Variants in ARHGAP24 observed in about 807,000 individuals in gnomAD.
ARHGAP24 encodes rho GTPase-activating protein 24.
ARHGAP24 carries 50 observed loss-of-function variants against 76.4 expected under a neutral mutation model. The observed-to-expected ratio is 0.65, with a 90% CI of 0.52 to 0.83. ARHGAP24 has a LOEUF of 0.83. ARHGAP24 is among the 40% of genes least tolerant of loss of function. ARHGAP24 has a pLI of 0.00. For synonymous variants in ARHGAP24, 345 were observed against 323.3 expected, an observed-to-expected ratio of 1.07 and a Z score of -0.72; for missense variants, 930 against 914.2, an observed-to-expected ratio of 1.02 and a Z score of -0.22.
chr4:85,567,716 A>C (rs535980513), intron 1 of ARHGAP24, among the ~76,000 whole-genome samples: 2 of 152,352 alleles, frequency 1.3e-5, no homozygotes, highest in Admixed American at 6.5e-5. Flanking sequence ...GTGCTAGAAG[A>C]GACCATAGTT....
intron 3 of ARHGAP24, among the ~76,000 whole-genome samples, chr4:85,866,578 A>G (rs1373233226): frequency 1.3e-5 from 2 of 152,018 alleles, no homozygotes; most frequent in African/African-American, 2.4e-5. Context: ...CCATATTTGA[A>G]TGTTGTTTTT....
chr4:85,916,767 C>T (rs1489280149), intron 3 of ARHGAP24, among the ~76,000 whole-genome samples: 3 of 152,102 alleles, frequency 2.0e-5, no homozygotes, highest in African/African-American at 7.2e-5. Flanking sequence ...GAAACTAACT[C>T]AAATGTCTGT....
chr4:85,605,053 A>C (rs1374137420), intron 2 of ARHGAP24, among the ~76,000 whole-genome samples: 1 of 152,188 alleles, frequency 6.6e-6, no homozygotes, highest in Non-Finnish European at 1.5e-5. Flanking sequence ...GAACATTTAC[A>C]TATACACACA....
chr4:85,627,007 G>A (rs550930008), intron 2 of ARHGAP24, among the ~76,000 whole-genome samples: 2 of 152,072 alleles, frequency 1.3e-5, no homozygotes, highest in South Asian at 2.1e-4. Context: ...TAACTTCTTT[G>A]CCATTGGTTC....
At chr4:85,819,343 A>G (rs1231335389) in intron 3 of ARHGAP24, among the ~76,000 whole-genome samples, 1 of 152,192 alleles carries the variant, frequency 6.6e-6, no homozygotes, top group African/African-American at 2.4e-5. Flanking sequence ...TCTGATTGCA[A>G]TCTCATTTGA....
chr4:85,725,575 A>C (rs1725138941), intron 3 of ARHGAP24, among the ~76,000 whole-genome samples: 1 of 152,250 alleles, frequency 6.6e-6, no homozygotes, highest in Admixed American at 6.5e-5. Flanking sequence ...CTGCTGGGGC[A>C]TAGCCCCTTC....
At chr4:85,814,288 T>G (rs1249473221) in intron 3 of ARHGAP24, among the ~76,000 whole-genome samples, 1 of 152,018 alleles carries the variant, frequency 6.6e-6, no homozygotes, top group Non-Finnish European at 1.5e-5. Context: ...TTTCCAAAAG[T>G]CCCCCAAAGT....
rs150604057 is a variant in ARHGAP24 at position 85,482,699 on chromosome 4, T to C, written c.-21+7140T>C. ...TAAGAATGCCATTCCTATGTAAGAATAGATAACAATGATTGAAGCCTTACT... is the reference window on the plus strand; with the variant it reads ...TAAGAATGCCATTCCTATGTAAGAACAGATAACAATGATTGAAGCCTTACT... On this transcript the variant is annotated intron_variant, in intron 1 of 9. Transcript: ENST00000395184. Among the ~76,000 whole-genome samples the C allele has an allele frequency of 2.6e-5, 4 of 152,360 alleles. No individual in the cohort carries two copies. In the South Asian group the frequency reaches 8.3e-4, roughly 32 times the overall value.
chr4:86,000,785 T>C lies in ARHGAP24; in HGVS notation c.*63T>C. ...GGACTCCAGGGATTCTGGTGGGATA[T>C]GACTTAGAACCAGGTGGCTGGTCAC... is the stretch of plus-strand genomic sequence containing the variant. On this transcript the variant is annotated 3_prime_UTR_variant, in exon 10 of 10. Coordinates refer to ENST00000395184, the MANE Select transcript of ARHGAP24 (RefSeq NM_001025616.3). 6.2e-7 allele frequency: 1 copy of C among 1,609,792 alleles called. No homozygotes were observed. The highest frequency in any genetic ancestry group is 8.5e-7 in the Non-Finnish European group (1 of 1,177,622).
intron 3 of ARHGAP24, among the ~76,000 whole-genome samples, chr4:85,814,103 G>A (rs931760890): frequency 4.0e-5 from 6 of 151,796 alleles, no homozygotes; most frequent in African/African-American, 1.5e-4. Flanking sequence ...AACAGCATGG[G>A]GGAAACCGCC....
At chr4:85,712,997 C>G (rs571905119) in intron 2 of ARHGAP24, among the ~76,000 whole-genome samples, 1 of 152,256 alleles carries the variant, frequency 6.6e-6, no homozygotes, top group South Asian at 2.1e-4. Context: ...TTTTTGTTTG[C>G]TTTTAAAATG....
intron 2 of ARHGAP24, among the ~76,000 whole-genome samples, chr4:85,694,544 T>A (rs949479064): frequency 1.5e-4 from 23 of 152,318 alleles, no homozygotes; most frequent in African/African-American, 5.5e-4. Flanking sequence ...ACTAGTAGCA[T>A]TAATTTTTAT....
At position 85,995,450 on chromosome 4, in the gene ARHGAP24, A is replaced by G; in HGVS notation, c.1796A>G (p.Asp599Gly). Residue 599 changes from aspartate to glycine, a missense_variant, in exon 9 of 10, where the codon GAC becomes GGC. Transcript: ENST00000395184. The stretch of plus-strand genomic sequence containing the variant: ...CCTGTTTTGGATGGGCCCCCGCAGG[A>G]CGACCTTTCCCACCCCAGGGACTAT... The part of the protein sequence containing the change: ...EDPVLDGPPQ[D>G]DLSHPRDYES... The G allele has an allele frequency of 6.2e-7, 1 of 1,607,780 alleles. No homozygotes were observed. Among genetic ancestry groups the G allele is most frequent in the South Asian group, 1.1e-5 (1 of 90,560 alleles).
intron 2 of ARHGAP24, among the ~76,000 whole-genome samples, chr4:85,714,579 C>T (rs1010355889): frequency 1.3e-5 from 2 of 151,920 alleles, no homozygotes; most frequent in African/African-American, 4.8e-5. Context: ...TACATGTTTT[C>T]CTTGCTTTTG....
chr4:85,589,410 A>C lies in ARHGAP24; in HGVS notation c.180+18689A>C, dbSNP rs1727994453. Among the ~76,000 whole-genome samples, 5 of 152,328 alleles carry C rather than the reference A, an allele frequency of 3.3e-5. No individual in the cohort carries two copies. In the South Asian group the frequency reaches 1.0e-3, roughly 32 times the overall value. On this transcript the variant is annotated intron_variant, in intron 2 of 9. Coordinates refer to ENST00000395184, the MANE Select transcript of ARHGAP24 (RefSeq NM_001025616.3). Reference sequence around the variant, plus strand: ...TTTTAACACACATATACAAAACTAAAACAAACAAAAAACACAACTTGCCAG... The same window carrying C: ...TTTTAACACACATATACAAAACTAACACAAACAAAAAACACAACTTGCCAG...
At chr4:85,498,102 T>G (rs768520556) in intron 1 of ARHGAP24, among the ~76,000 whole-genome samples, 8 of 152,230 alleles carry the variant, frequency 5.3e-5, no homozygotes, top group Non-Finnish European at 8.8e-5. Flanking sequence ...TTTTCTTTTC[T>G]TTGGTAACAA....
chr4:85,532,558 A>C (rs1296336525), intron 1 of ARHGAP24, among the ~76,000 whole-genome samples: 2 of 152,206 alleles, frequency 1.3e-5, no homozygotes, highest in African/African-American at 4.8e-5. Context: ...TTGACCATAC[A>C]GAATTTAATC....
chr4:85,740,111 T>C (rs1725758673), intron 3 of ARHGAP24, among the ~76,000 whole-genome samples: 1 of 152,202 alleles, frequency 6.6e-6, no homozygotes, highest in Admixed American at 6.5e-5. Flanking sequence ...TTTGTTTGTT[T>C]GGCTATTTCT....
At chr4:85,871,343 C>T (rs1197733687) in intron 3 of ARHGAP24, among the ~76,000 whole-genome samples, 1 of 152,094 alleles carries the variant, frequency 6.6e-6, no homozygotes, top group Non-Finnish European at 1.5e-5. Flanking sequence ...CAAATACAAA[C>T]ATCAAAAAGA....
Sources: gnomAD v4.1 joint callset for allele counts (sites outside exome capture counted in the v4.1 genomes callset) on GRCh38, gnomAD v4.1.1 for gene constraint, MANE v1.5 for transcripts, NCBI Gene and HGNC (gene_info 2026-07-23, HGNC 2026-07-21) for gene names.